NTRK2: variants seen among roughly 807,000 people sequenced by gnomAD.
NTRK2 encodes the protein BDNF/NT-3 growth factors receptor.
NTRK2 carries 13 observed loss-of-function variants against 94.5 expected under a neutral mutation model. The observed-to-expected ratio is 0.14, with a 90% CI of 0.09 to 0.22. The LOEUF (loss-of-function observed/expected upper bound fraction) is 0.22, where lower values mean the gene tolerates loss of function less well. NTRK2 is among the 10% of genes least tolerant of loss of function. The pLI, the probability that NTRK2 is intolerant of heterozygous loss-of-function variation, is 1.00. For synonymous variants in NTRK2, 372 were observed against 407.4 expected, an observed-to-expected ratio of 0.91 and a Z score of 1.05; for missense variants, 639 against 1,071.2, an observed-to-expected ratio of 0.60 and a Z score of 5.63.
intron 17 of NTRK2, among the ~76,000 whole-genome samples, chr9:84,996,022 A>G (rs1332853206): frequency 6.6e-6 from 1 of 152,230 alleles, no homozygotes; most frequent in Non-Finnish European, 1.5e-5. Flanking sequence ...ACAAGTCTTA[A>G]GTGTGACAAG....
chr9:84,987,845 T>G (rs1311744940), intron 17 of NTRK2, among the ~76,000 whole-genome samples: 1 of 152,230 alleles, frequency 6.6e-6, no homozygotes, highest in African/African-American at 2.4e-5. Flanking sequence ...TACATGTAAC[T>G]AATGATGTTA....
At chr9:84,865,636 G>A (rs371941191) in intron 13 of NTRK2, among the ~76,000 whole-genome samples, 10 of 152,194 alleles carry the variant, frequency 6.6e-5, no homozygotes, top group African/African-American at 1.2e-4. Context: ...TAGTAGGGGG[G>A]GTTGGAAGAA....
At chr9:84,859,520 C>T (rs1018973118) in intron 12 of NTRK2, among the ~76,000 whole-genome samples, 1 of 152,114 alleles carries the variant, frequency 6.6e-6, no homozygotes, top group Non-Finnish European at 1.5e-5. Context: ...TAAAGATGTT[C>T]ATTGCAGTTG....
intron 12 of NTRK2, among the ~76,000 whole-genome samples, chr9:84,803,921 C>T (rs978384285): frequency 1.2e-4 from 18 of 152,236 alleles, no homozygotes; most frequent in African/African-American, 3.6e-4. Context: ...TTGTTTGACC[C>T]TCTTCTAGCT....
intron 12 of NTRK2, among the ~76,000 whole-genome samples, chr9:84,761,763 T>A (rs943441372): frequency 2.6e-5 from 4 of 152,232 alleles, no homozygotes; most frequent in Non-Finnish European, 5.9e-5. Context: ...CAGAAAATAT[T>A]GCCTCTAAGT....
intron 9 of NTRK2, among the ~76,000 whole-genome samples, chr9:84,735,110 T>A (rs1433563218): frequency 6.6e-6 from 1 of 152,114 alleles, no homozygotes; most frequent in Non-Finnish European, 1.5e-5. Context: ...AAATTGTCAT[T>A]TTTTTGCTGA....
chr9:84,783,428 G>C (rs1015418543), intron 12 of NTRK2, among the ~76,000 whole-genome samples: 1 of 152,174 alleles, frequency 6.6e-6, no homozygotes, highest in African/African-American at 2.4e-5. Context: ...ATCCCTGAAG[G>C]GTTAGTATCT....
chr9:84,964,670 C>A (rs551901853), intron 17 of NTRK2, among the ~76,000 whole-genome samples: 60 of 152,284 alleles, frequency 3.9e-4, no homozygotes, highest in Non-Finnish European at 6.6e-4. Context: ...CTCTTGGGCT[C>A]CCCACTCTGT....
intron 14 of NTRK2, among the ~76,000 whole-genome samples, chr9:84,911,468 A>G (rs2077233603): frequency 6.6e-6 from 1 of 152,144 alleles, no homozygotes; most frequent in South Asian, 2.1e-4. Flanking sequence ...TTATAGAGCT[A>G]TTCAAATTAG....
At chr9:85,017,658 A>G (rs914219063) in intron 17 of NTRK2, among the ~76,000 whole-genome samples, 8 of 152,322 alleles carry the variant, frequency 5.3e-5, no homozygotes, top group Admixed American at 5.2e-4. Context: ...ATCTCCTTGA[A>G]TTGAAGAGGG....
At chr9:84,675,324 C>CTTTTT (rs536445167) in intron 2 of NTRK2, among the ~76,000 whole-genome samples, 4 of 67,322 alleles carry the variant, frequency 5.9e-5, no homozygotes, top group Admixed American at 4.3e-4. Context: ...TCTTTCTTTC[C>CTTTTT]TTTTTTTTTT....
At chr9:84,924,258 A>C (rs2077675009) in intron 14 of NTRK2, among the ~76,000 whole-genome samples, 1 of 151,478 alleles carries the variant, frequency 6.6e-6, no homozygotes, top group African/African-American at 2.4e-5. Context: ...AAAGAAAGAA[A>C]GAAAGAAAGA....
intron 2 of NTRK2, among the ~76,000 whole-genome samples, chr9:84,672,691 G>T (rs1025757111): frequency 3.3e-5 from 5 of 152,060 alleles, no homozygotes; most frequent in African/African-American, 1.2e-4. Flanking sequence ...TTGTTTTTCT[G>T]TTTGATAATT....
At chr9:84,978,390 CACA>C (rs1721527175) in intron 17 of NTRK2, among the ~76,000 whole-genome samples, 1 of 152,172 alleles carries the variant, frequency 6.6e-6, no homozygotes. Context: ...TCGAAACAGT[CACA>C]ACATTCCCTT....
At chr9:84,891,425 G>A (rs2076592988) in intron 14 of NTRK2, among the ~76,000 whole-genome samples, 1 of 151,888 alleles carries the variant, frequency 6.6e-6, no homozygotes, top group South Asian at 2.1e-4. Flanking sequence ...TGGGAATTTT[G>A]CACACTCTTC....
chr9:84,878,173 A>G (rs1444410018), intron 14 of NTRK2, among the ~76,000 whole-genome samples: 1 of 152,226 alleles, frequency 6.6e-6, no homozygotes, highest in Non-Finnish European at 1.5e-5. Flanking sequence ...CAAGATAAAT[A>G]ATATACTCAT....
intron 17 of NTRK2, among the ~76,000 whole-genome samples, chr9:84,963,730 A>T (rs906679917): frequency 6.6e-6 from 1 of 152,190 alleles, no homozygotes; most frequent in Non-Finnish European, 1.5e-5. Context: ...TTTCACTTAT[A>T]ATAAGCCACT....
intron 17 of NTRK2, among the ~76,000 whole-genome samples, chr9:85,004,047 G>GAAAGAAAGAAAGAAAAGAAAGAAAGAAA (rs1564542231): frequency 5.0e-5 from 2 of 39,820 alleles, no homozygotes; most frequent in African/African-American, 2.5e-4. Context: ...GAAAGAAAGG[G>GAAAGAAAGAAAGAAAAGAAAGAAAGAAA]AGAAAGAGAA....
chr9:84,995,523 T>C (rs1001082824), intron 17 of NTRK2, among the ~76,000 whole-genome samples: 1 of 152,112 alleles, frequency 6.6e-6, no homozygotes, highest in Non-Finnish European at 1.5e-5. Flanking sequence ...AGGGTGATAA[T>C]GTCTGCACAT....
Sources: gnomAD v4.1 joint callset for allele counts (sites outside exome capture counted in the v4.1 genomes callset) on GRCh38, gnomAD v4.1.1 for gene constraint, MANE v1.5 for transcripts, NCBI Gene and HGNC (gene_info 2026-07-23, HGNC 2026-07-21) for gene names.